B3GALT1: variants seen among roughly 807,000 people sequenced by gnomAD.
The protein encoded by B3GALT1 is UDP-Gal:betaGlcNAc beta 1,3-galactosyltransferase, polypeptide 1.
A neutral mutation model predicts 23.2 loss-of-function variants in B3GALT1; 10 were observed. The observed-to-expected ratio is 0.43, with a 90% CI of 0.27 to 0.73. The LOEUF (loss-of-function observed/expected upper bound fraction) is 0.73. B3GALT1 is among the 30% of genes least tolerant of loss of function. The probability of loss-of-function intolerance (pLI) is 0.21; values close to 1 mark genes in which losing one functional copy is unlikely to be tolerated. For synonymous variants in B3GALT1, 156 were observed against 141.5 expected (o/e 1.10, Z -0.73); for missense variants, 299 against 405.4 (o/e 0.74, Z 2.25).
At chr2:167,387,487 G>T (rs76766655) in intron 1 of B3GALT1, among the ~76,000 whole-genome samples, 1 of 151,964 alleles carries the variant, frequency 6.6e-6, no homozygotes, top group Non-Finnish European at 1.5e-5. Flanking sequence ...TCTTATTTGT[G>T]CCAAAAAAGA....
At chr2:167,513,657 A>G (rs1405521947) in intron 2 of B3GALT1, among the ~76,000 whole-genome samples, 2 of 152,206 alleles carry the variant, frequency 1.3e-5, no homozygotes, top group East Asian at 1.9e-4. Context: ...TGGGAATAGA[A>G]GAACCAAAAT....
intron 3 of B3GALT1, among the ~76,000 whole-genome samples, chr2:167,695,598 A>G (rs1049081221): frequency 6.6e-6 from 1 of 151,974 alleles, no homozygotes; most frequent in African/African-American, 2.4e-5. Flanking sequence ...CTTAGCTTTC[A>G]TTTTCTTTCT....
intron 3 of B3GALT1, chr2:167,814,739 C>G (rs780133441): frequency 6.6e-6 from 1 of 152,280 alleles, no homozygotes; most frequent in Admixed American, 6.5e-5. Flanking sequence ...GCCTGAGTGA[C>G]AGAGTGAGAC....
In B3GALT1 at chr2:167,443,190, T is replaced by A. The variant is rs538169275; in HGVS notation, c.-510-46987T>A. Among the ~76,000 whole-genome samples, 646 of 151,936 alleles carry A rather than the reference T, an allele frequency of 4.3e-3. 2 individuals are homozygous for A. Among genetic ancestry groups the A allele is most frequent in the African/African-American group, 0.014 (596 of 41,396 alleles). On this transcript the variant is annotated intron_variant, in intron 1 of 4. Transcript: ENST00000392690. ...GTCAAAGATCAGATAGTTGTAGATA[T>A]GCGGCGTTATTTCTGAGGGCTCTGT...
chr2:167,658,351 T>C, intron 3 of B3GALT1, among the ~76,000 whole-genome samples: 1 of 151,962 alleles, frequency 6.6e-6, no homozygotes, highest in East Asian at 1.9e-4. Context: ...AATGAAGAAA[T>C]TGATGATTTA....
chr2:167,338,027 T>G (rs972836246), intron 1 of B3GALT1, among the ~76,000 whole-genome samples: 17 of 152,156 alleles, frequency 1.1e-4, no homozygotes, highest in Non-Finnish European at 2.1e-4. Context: ...CATTCTTCTG[T>G]GTGACTGAAA....
intron 2 of B3GALT1, among the ~76,000 whole-genome samples, chr2:167,587,750 G>A (rs1258159591): frequency 6.6e-6 from 1 of 152,216 alleles, no homozygotes; most frequent in Admixed American, 6.5e-5. Context: ...ATTTGGGCCT[G>A]AATTCTTGCA....
At chr2:167,304,410 T>C (rs1322454753) in intron 1 of B3GALT1, among the ~76,000 whole-genome samples, 1 of 152,182 alleles carries the variant, frequency 6.6e-6, no homozygotes, top group Non-Finnish European at 1.5e-5. Flanking sequence ...TATGTATTGT[T>C]ATACTCAGTG....
At chr2:167,456,856 C>T (rs1215574091) in intron 1 of B3GALT1, among the ~76,000 whole-genome samples, 2 of 152,156 alleles carry the variant, frequency 1.3e-5, no homozygotes, top group Admixed American at 6.5e-5. Flanking sequence ...CTCCAAACTC[C>T]ATAGGTTAGG....
intron 1 of B3GALT1, among the ~76,000 whole-genome samples, chr2:167,484,020 T>A (rs1049134802): frequency 6.6e-6 from 1 of 152,222 alleles, no homozygotes; most frequent in Non-Finnish European, 1.5e-5. Flanking sequence ...AAGCTCCATA[T>A]GAGCCCTATT....
chr2:167,532,483 G>A (rs953225612), intron 2 of B3GALT1, among the ~76,000 whole-genome samples: 11 of 152,186 alleles, frequency 7.2e-5, no homozygotes, highest in Non-Finnish European at 1.0e-4. Flanking sequence ...AGGAAATCAA[G>A]TAAAATGTTT....
chr2:167,429,078 G>T (rs1009097466), intron 1 of B3GALT1, among the ~76,000 whole-genome samples: 1 of 151,958 alleles, frequency 6.6e-6, no homozygotes, highest in Non-Finnish European at 1.5e-5. Context: ...AGGAGATCGA[G>T]ACCATCCTGG....
intron 2 of B3GALT1, among the ~76,000 whole-genome samples, chr2:167,610,007 A>G (rs969962826): frequency 6.6e-6 from 1 of 152,164 alleles, no homozygotes; most frequent in Non-Finnish European, 1.5e-5. Flanking sequence ...ACAGTTAAGA[A>G]TATTTCATTT....
intron 2 of B3GALT1, among the ~76,000 whole-genome samples, chr2:167,625,870 C>T (rs1167399440): frequency 1.4e-5 from 2 of 145,400 alleles, no homozygotes; most frequent in African/African-American, 2.6e-5. Context: ...TTTGTAATGT[C>T]TGCTTTCTAC....
intron 2 of B3GALT1, among the ~76,000 whole-genome samples, chr2:167,538,158 C>G (rs373742116): frequency 6.6e-6 from 1 of 152,028 alleles, no homozygotes; most frequent in African/African-American, 2.4e-5. Flanking sequence ...GTTCCCCCAG[C>G]GTATTACTTT....
At chr2:167,338,791 TAAAC>T (rs1277810406) in intron 1 of B3GALT1, among the ~76,000 whole-genome samples, 1 of 151,898 alleles carries the variant, frequency 6.6e-6, no homozygotes, top group East Asian at 1.9e-4. Context: ...AGAGGCCCAA[TAAAC>T]AAAGTATAAA....
At chr2:167,310,726 G>A (rs924185213) in intron 1 of B3GALT1, among the ~76,000 whole-genome samples, 2 of 151,946 alleles carry the variant, frequency 1.3e-5, no homozygotes, top group Non-Finnish European at 2.9e-5. Context: ...TGAATGGGAA[G>A]GTGGGGTAAT....
At chr2:167,352,587 G>A (rs1322378363) in intron 1 of B3GALT1, among the ~76,000 whole-genome samples, 2 of 151,536 alleles carry the variant, frequency 1.3e-5, no homozygotes, top group Non-Finnish European at 2.9e-5. Flanking sequence ...TGGGCGTGGT[G>A]GCGGGTGCCT....
intron 1 of B3GALT1, among the ~76,000 whole-genome samples, chr2:167,402,754 C>T (rs1698213302): frequency 6.6e-6 from 1 of 152,044 alleles, no homozygotes; most frequent in Non-Finnish European, 1.5e-5. Context: ...TTGGAAGTGA[C>T]CAGACTTTTG....
Sources: allele counts gnomAD v4.1 joint callset (sites outside exome capture counted in the v4.1 genomes callset), GRCh38; gene constraint gnomAD v4.1.1; transcripts MANE v1.5; gene names NCBI Gene and HGNC (gene_info 2026-07-23, HGNC 2026-07-21).